FHDC1: variants seen among roughly 807,000 people sequenced by gnomAD.
FHDC1 encodes the protein FH2 domain containing 1.
FHDC1 carries 25 observed loss-of-function variants against 52.6 expected under a neutral mutation model. The ratio of observed to expected loss-of-function variants is 0.48; its 90% CI spans 0.35 to 0.66. The LOEUF is 0.66. Ranked by LOEUF, FHDC1 falls within the 30% of genes least tolerant of loss-of-function variation. FHDC1 has a pLI of 0.01. For synonymous variants in FHDC1, 616 were observed against 581.5 expected, an observed-to-expected ratio of 1.06 and a Z score of -0.85; for missense variants, 1,459 against 1,452.8, an observed-to-expected ratio of 1.00 and a Z score of -0.07.
At position 152,941,638 on chromosome 4, in the gene FHDC1, C is replaced by T. The variant is rs1739574082; in HGVS notation, c.-130-1290C>T. Reference sequence around the variant, plus strand: ...AAGCAGTCTATTCCTAGAATCTCCACTCTTATTCCCAAGGCAGCCCTGCCT... The same window carrying T: ...AAGCAGTCTATTCCTAGAATCTCCATTCTTATTCCCAAGGCAGCCCTGCCT... On this transcript the variant is annotated intron_variant, in intron 1 of 11. Transcript: ENST00000511601. Among the ~76,000 whole-genome samples the T allele has an allele frequency of 2.0e-5, 3 of 152,210 alleles. No individual in the cohort carries two copies. The South Asian group carries it at 6.2e-4, about 32-fold the overall frequency.
Position 152,975,848 on chromosome 4 carries a change from C to G in FHDC1, c.2557C>G (p.Pro853Ala). ...CAAGGGCGGCCTGCCCAGGGACAAA[C>G]CCACCAAAAGGAAAGATGTTGTAGC... is the stretch of plus-strand genomic sequence containing the variant. ...SCKGGLPRDK[P>A]TKRKDVVAPK... The change falls in exon 12 of 12, where the codon CCC (proline) becomes GCC (alanine). Residue 853 changes from proline (P) to alanine (A), a missense_variant. By Grantham distance (27) the Pro-to-Ala change is conservative. Around this residue, in one of 3 missense-constraint regions of FHDC1, gnomAD observed 939 missense variants for 854.5 expected, o/e 1.10. Coordinates refer to ENST00000511601, the MANE Select transcript of FHDC1 (RefSeq NM_001371116.1). The G allele has an allele frequency of 6.6e-7, 1 of 1,515,914 alleles. No individual in the cohort carries two copies. 93.9% of individuals were successfully genotyped at this position (1,515,914 alleles called of 1,614,324 possible). A position where few individuals can be genotyped will look rare whatever the true frequency, so the allele number is the denominator to read the frequency against.
In FHDC1 at chr4:152,943,570, T is replaced by G; in HGVS notation, c.498+15T>G. 6.2e-7 allele frequency: 1 copy of G among 1,602,576 alleles called. No homozygotes were observed. Among genetic ancestry groups the G allele is most frequent in the African/African-American group, 1.3e-5 (1 of 74,610 alleles). The stretch of plus-strand genomic sequence containing the variant: ...CTCGAGAAGAGGTAAGAATGCAAGG[T>G]GGAGGGCTAATCCTCCACACACTGC... On this transcript the variant is annotated intron_variant, in intron 2 of 11. Coordinates refer to ENST00000511601, the MANE Select transcript of FHDC1 (RefSeq NM_001371116.1).
the FHDC1 span, chr4:152,927,983 A>G: frequency 6.7e-7 from 1 of 1,486,486 alleles, no homozygotes. Flanking sequence ...GCCAGATGAC[A>G]AGAATCAAGA....
At chr4:152,963,198 C>T (rs935506032) in intron 8 of FHDC1, 68 bp downstream of exon 8, 1 of 1,380,610 alleles carries the variant, frequency 7.2e-7, no homozygotes, top group African/African-American at 1.4e-5. Context: ...AAGTTTTTCC[C>T]AGGCATAAGA....
intron 2 of FHDC1, among the ~76,000 whole-genome samples, chr4:152,946,613 T>C (rs1445438920): frequency 6.6e-6 from 1 of 152,168 alleles, no homozygotes; most frequent in East Asian, 1.9e-4. Flanking sequence ...ACCATCTGTT[T>C]GTGTGGACTG....
chr4:152,944,483 T>A (rs1484984243), intron 2 of FHDC1, among the ~76,000 whole-genome samples: 4 of 151,960 alleles, frequency 2.6e-5, no homozygotes, highest in Admixed American at 2.6e-4. Context: ...AGAAAACAGG[T>A]CAAAGATGCA....
chr4:152,965,348 G>A (rs1029490174), intron 9 of FHDC1, among the ~76,000 whole-genome samples: 5 of 152,146 alleles, frequency 3.3e-5, no homozygotes, highest in Non-Finnish European at 7.4e-5. Flanking sequence ...CTGTTTCCTT[G>A]TAGAATCTAA....
At chr4:152,964,583 A>T (rs1740402760) in intron 8 of FHDC1, among the ~76,000 whole-genome samples, 1 of 152,236 alleles carries the variant, frequency 6.6e-6, no homozygotes, top group Admixed American at 6.5e-5. Flanking sequence ...ATTTAAAGGC[A>T]TGCTCACAGG....
chr4:152,950,492 C>T (rs1009308198), intron 2 of FHDC1, among the ~76,000 whole-genome samples: 26 of 152,332 alleles, frequency 1.7e-4, no homozygotes, highest in African/African-American at 6.3e-4. Flanking sequence ...TCACAGCCAG[C>T]TCGGGTTTTC....
chr4:152,939,424 G>C (rs1173429039), intron 1 of FHDC1, among the ~76,000 whole-genome samples: 2 of 152,082 alleles, frequency 1.3e-5, no homozygotes, highest in Admixed American at 6.6e-5. Flanking sequence ...GTGAGCCACC[G>C]CGCCTGGCCG....
rs564187142 is a variant in FHDC1 at position 152,966,682 on chromosome 4, G to A, written c.1101-1298G>A. 3.3e-5 allele frequency among the ~76,000 whole-genome samples: 5 copies of A among 152,126 alleles called. No individual in the cohort carries two copies. In the East Asian group the frequency reaches 9.7e-4, roughly 29 times the overall value. ...TCACCATACTGGCCAGGCTGGTCTC[G>A]AACTTCTGACCTTAGGTGATCTGCC... On this transcript the variant is annotated intron_variant, in intron 9 of 11. Coordinates refer to ENST00000511601, the MANE Select transcript of FHDC1 (RefSeq NM_001371116.1).
In FHDC1 at chr4:152,963,787, T is replaced by G. The variant is rs1028603781; in HGVS notation, c.1029+657T>G. Among the ~76,000 whole-genome samples, 8 of 140,630 alleles carry G rather than the reference T, an allele frequency of 5.7e-5. No homozygotes were observed. The East Asian group carries it at 8.4e-4, about 15-fold the overall frequency. The allele number at this position is 140,630 out of a possible 152,430, so 92.3% of individuals were successfully genotyped here. A position where few individuals can be genotyped will look rare whatever the true frequency, so the allele number is the denominator to read the frequency against. On this transcript the variant is annotated intron_variant, in intron 8 of 11. Coordinates refer to ENST00000511601, the MANE Select transcript of FHDC1 (RefSeq NM_001371116.1). ...TTGCTTTGTTTTTTTTTTTTTTTTT[T>G]TTTTTTTTTTTTTTTTGACTGGATC... is the stretch of plus-strand genomic sequence containing the variant.
Position 152,979,001 on chromosome 4 carries a change from A to G in FHDC1, c.*2278A>G, listed in dbSNP as rs1320792865. 1 of 152,224 alleles carries G rather than the reference A, an allele frequency of 6.6e-6. No homozygotes were observed. Among genetic ancestry groups the G allele is most frequent in the Non-Finnish European group, 1.5e-5 (1 of 68,030 alleles). The allele number at this position is 152,224 out of a possible 1,614,324, so 9.4% of individuals were successfully genotyped here. On this transcript the variant is annotated 3_prime_UTR_variant, in exon 12 of 12. Transcript: ENST00000511601. ...CATCTCAAGAAGCCTAAGAAGTTATATATTTAATCAGGTAGACAAAACAGT... is the reference window on the plus strand; with the variant it reads ...CATCTCAAGAAGCCTAAGAAGTTATGTATTTAATCAGGTAGACAAAACAGT...
chr4:152,954,159 C>T, intron 3 of FHDC1, 58 bp from the exon 4 acceptor site: 2 of 1,429,864 alleles, frequency 1.4e-6, no homozygotes, highest in South Asian at 2.3e-5. Context: ...CACTGGCTTG[C>T]ACCTCTGTTG....
rs1338796340 is a variant in FHDC1, at chr4:152,975,710, T to C, written c.2419T>C (p.Ser807Pro). 6.2e-7 allele frequency: 1 copy of C among 1,609,002 alleles called. No individual in the cohort carries two copies. Residue 807 changes from serine (S) to proline (P), a missense_variant, in exon 12 of 12, where the codon TCC becomes CCC. By Grantham distance (74) the Ser-to-Pro change is moderately conservative. Around this residue, in one of 3 missense-constraint regions of FHDC1, gnomAD observed 939 missense variants for 854.5 expected, o/e 1.10. Transcript: ENST00000511601. ...GGAGGAAGGCGGGGAAGGGGATGGC[T>C]CCATGTCCTCTGGGGTTGGAGAAAT... ...DPEEGGEGDGSMSSGVGEMGD... is the reference protein window; with the variant it reads ...DPEEGGEGDGPMSSGVGEMGD...
the FHDC1 span, among the ~76,000 whole-genome samples, chr4:152,916,088 G>A: frequency 0.01 from 1,541 of 152,072 alleles, 34 homozygotes; most frequent in African/African-American, 0.035. Context: ...TCCAGAATCT[G>A]AGACATTCTA....
chr4:152,931,024 CTAA>C, the FHDC1 span, among the ~76,000 whole-genome samples: 2 of 148,256 alleles, frequency 1.3e-5, no homozygotes, highest in Admixed American at 6.8e-5. Context: ...CTCTCTCTCT[CTAA>C]TATTGTTGAT....
At chr4:152,921,586 C>CT in the FHDC1 span, among the ~76,000 whole-genome samples, 2,328 of 123,660 alleles carry the variant, frequency 0.019, 30 homozygotes, top group South Asian at 0.043. Flanking sequence ...TCCTTCCTTC[C>CT]TCCCTCCCTC....
chr4:152,938,656 T>C (rs918871000), intron 1 of FHDC1, among the ~76,000 whole-genome samples: 2 of 152,226 alleles, frequency 1.3e-5, no homozygotes, highest in Non-Finnish European at 2.9e-5. Context: ...TACCCTGGTT[T>C]GTCATCAGAA....
Sources: allele counts gnomAD v4.1 joint callset (sites outside exome capture counted in the v4.1 genomes callset), GRCh38; gene constraint gnomAD v4.1.1; regional missense constraint gnomAD v4.1.1; transcripts MANE v1.5; gene names NCBI Gene and HGNC (gene_info 2026-07-23, HGNC 2026-07-21).